REDIC1: variants seen among roughly 807,000 people sequenced by gnomAD.
REDIC1 encodes the protein regulator of DNA class I crossover intermediates 1.
the REDIC1 span, among the ~76,000 whole-genome samples, chr12:39,848,573 T>A: frequency 6.6e-6 from 1 of 152,212 alleles, no homozygotes; most frequent in East Asian, 1.9e-4. Flanking sequence ...ATACTGTTGG[T>A]AGGAGTGTAA....
At chr12:39,771,730 G>A in the REDIC1 span, among the ~76,000 whole-genome samples, 4 of 151,908 alleles carry the variant, frequency 2.6e-5, no homozygotes, top group East Asian at 3.9e-4. Context: ...AAACTCATAT[G>A]CCACCAAGTT....
chr12:39,761,269 T>G, the REDIC1 span, among the ~76,000 whole-genome samples: 406 of 151,978 alleles, frequency 2.7e-3, 2 homozygotes, highest in African/African-American at 9.1e-3. Context: ...GCTTCTCAGC[T>G]CCTACTTAAG....
the REDIC1 span, among the ~76,000 whole-genome samples, chr12:39,713,900 T>C: frequency 6.7e-6 from 1 of 148,584 alleles, no homozygotes; most frequent in Non-Finnish European, 1.5e-5. Flanking sequence ...CTTATACGTA[T>C]ATACGTATGT....
At chr12:39,701,874 A>T in the REDIC1 span, among the ~76,000 whole-genome samples, 1 of 151,974 alleles carries the variant, frequency 6.6e-6, no homozygotes, top group Admixed American at 6.6e-5. Context: ...AGAAATAAAG[A>T]TGTTCTTTGA....
chr12:39,779,844 C>T, the REDIC1 span, among the ~76,000 whole-genome samples: 1 of 152,186 alleles, frequency 6.6e-6, no homozygotes, highest in African/African-American at 2.4e-5. Context: ...ATTTTCTTTC[C>T]ACTGCAAGAG....
At chr12:39,717,004 T>C in the REDIC1 span, among the ~76,000 whole-genome samples, 3 of 151,858 alleles carry the variant, frequency 2.0e-5, no homozygotes, top group Admixed American at 1.3e-4. Flanking sequence ...TTTAAAAATG[T>C]AGAAAAGAAA....
the REDIC1 span, among the ~76,000 whole-genome samples, chr12:39,734,588 A>G: frequency 1.6e-4 from 25 of 152,074 alleles, no homozygotes; most frequent in African/African-American, 5.1e-4. Flanking sequence ...AGGATTTTTT[A>G]TGTTTGTTTT....
chr12:39,800,422 A>C, the REDIC1 span, among the ~76,000 whole-genome samples: 1 of 149,420 alleles, frequency 6.7e-6, no homozygotes, highest in South Asian at 2.2e-4. Flanking sequence ...AACCCCATCA[A>C]AAAGTGGGCG....
At chr12:39,803,257 A>C in the REDIC1 span, among the ~76,000 whole-genome samples, 4 of 151,768 alleles carry the variant, frequency 2.6e-5, no homozygotes, top group Non-Finnish European at 5.9e-5. Context: ...CAGAGGCTGC[A>C]CAGGATTGCC....
the REDIC1 span, among the ~76,000 whole-genome samples, chr12:39,880,447 T>G: frequency 3.3e-5 from 5 of 152,076 alleles, no homozygotes; most frequent in Admixed American, 2.6e-4. Context: ...AAGCCAAAAT[T>G]AAAAGTTAGA....
the REDIC1 span, among the ~76,000 whole-genome samples, chr12:39,667,428 G>C: frequency 1.8e-3 from 278 of 152,326 alleles, no homozygotes; most frequent in African/African-American, 6.0e-3. Context: ...TGTGGTCTGA[G>C]AGACAGTTTG....
the REDIC1 span, among the ~76,000 whole-genome samples, chr12:39,845,710 C>A: frequency 6.6e-6 from 1 of 152,126 alleles, no homozygotes; most frequent in Non-Finnish European, 1.5e-5. Context: ...CTGATGCCAG[C>A]AACTCTGTGT....
chr12:39,682,825 A>T, the REDIC1 span: 1 of 1,611,994 alleles, frequency 6.2e-7, no homozygotes, highest in Non-Finnish European at 8.5e-7. Context: ...CTCTTTTGTT[A>T]GTCAAAATAT....
At chr12:39,736,400 C>G in the REDIC1 span, among the ~76,000 whole-genome samples, 3 of 152,266 alleles carry the variant, frequency 2.0e-5, no homozygotes, top group East Asian at 5.8e-4. Context: ...TTGAGGATAG[C>G]TATATTTTAT....
the REDIC1 span, among the ~76,000 whole-genome samples, chr12:39,681,508 T>C: frequency 6.6e-6 from 1 of 152,220 alleles, no homozygotes; most frequent in Non-Finnish European, 1.5e-5. Context: ...GTGTGCTTAA[T>C]ATCTTATAAA....
the REDIC1 span, among the ~76,000 whole-genome samples, chr12:39,705,224 A>T: frequency 6.6e-6 from 1 of 152,020 alleles, no homozygotes; most frequent in Non-Finnish European, 1.5e-5. Context: ...AGAAAAGGAC[A>T]AATTCCTAGA....
At chr12:39,813,093 C>A in the REDIC1 span, among the ~76,000 whole-genome samples, 5 of 146,258 alleles carry the variant, frequency 3.4e-5, no homozygotes, top group African/African-American at 1.0e-4. Context: ...GATCCACCTA[C>A]CTCGGCCTCC....
chr12:39,840,653 G>A, the REDIC1 span, among the ~76,000 whole-genome samples: 1 of 151,852 alleles, frequency 6.6e-6, no homozygotes, highest in Non-Finnish European at 1.5e-5. Flanking sequence ...GTTCCTCTAT[G>A]CAACTTCCTG....
the REDIC1 span, among the ~76,000 whole-genome samples, chr12:39,711,741 GTGTA>G: frequency 2.4e-5 from 3 of 122,828 alleles, no homozygotes; most frequent in Non-Finnish European, 1.8e-5. Flanking sequence ...GTGTGTATGT[GTGTA>G]TACACATGCA....
Sources: allele counts gnomAD v4.1 joint callset (sites outside exome capture counted in the v4.1 genomes callset), GRCh38; gene constraint gnomAD v4.1.1; transcripts MANE v1.5; gene names NCBI Gene and HGNC (gene_info 2026-07-23, HGNC 2026-07-21).